The following ELP4 variants were observed in gnomAD, a reference collection of about 807,000 sequenced individuals.
The protein encoded by ELP4 is elongator acetyltransferase complex subunit 4.
ELP4 carries 51 observed loss-of-function variants against 48.9 expected under a neutral mutation model. The observed-to-expected ratio is 1.04, with a 90% CI of 0.83 to 1.32. The LOEUF (loss-of-function observed/expected upper bound fraction) is 1.32, where lower values mean the gene tolerates loss of function less well. Ranked by LOEUF, ELP4 falls within the 40% of genes most tolerant of loss-of-function variation. The probability of loss-of-function intolerance (pLI) is 0.00; values close to 1 mark genes in which losing one functional copy is unlikely to be tolerated. For missense variants in ELP4, 519 were observed against 514.6 expected (o/e 1.01, Z -0.08); for synonymous variants, 210 against 189.2 (o/e 1.11, Z -0.90).
intron 2 of ELP4, among the ~76,000 whole-genome samples, chr11:31,529,215 T>C (rs1956351599): frequency 1.3e-5 from 2 of 152,084 alleles, no homozygotes; most frequent in African/African-American, 4.8e-5. Context: ...ATATTAGCTA[T>C]TTGCTGTTTT....
chr11:31,611,220 G>A (rs547789062), intron 5 of ELP4, among the ~76,000 whole-genome samples: 1 of 152,300 alleles, frequency 6.6e-6, no homozygotes, highest in East Asian at 1.9e-4. Flanking sequence ...TATCTGTGCT[G>A]TGTAATGTAG....
intron 9 of ELP4, among the ~76,000 whole-genome samples, chr11:31,683,318 T>A (rs1335624573): frequency 1.3e-5 from 2 of 152,196 alleles, no homozygotes; most frequent in Non-Finnish European, 2.9e-5. Flanking sequence ...TGGAGTTTTT[T>A]AATTTTCATA....
chr11:31,545,141 G>A (rs1200652189), intron 3 of ELP4, among the ~76,000 whole-genome samples: 1 of 152,230 alleles, frequency 6.6e-6, no homozygotes, highest in Admixed American at 6.5e-5. Flanking sequence ...GACAGAGAAT[G>A]ACTTTGACGA....
intron 9 of ELP4, among the ~76,000 whole-genome samples, chr11:31,723,689 A>T (rs1270276924): frequency 6.6e-6 from 1 of 152,196 alleles, no homozygotes; most frequent in Non-Finnish European, 1.5e-5. Flanking sequence ...GATACCCAAG[A>T]TCACTGTGTG....
In ELP4 at chr11:31,706,001, C is replaced by T. The variant is rs544269325; in HGVS notation, c.1143+55780C>T. ...CTGAGTAACTAGGACTGCAGATGCA[C>T]ACCACCACTCCTGGCTGATTTTTTA... On this transcript the variant is annotated intron_variant, in intron 9 of 9. Coordinates refer to ENST00000640961, the MANE Select transcript of ELP4 (RefSeq NM_019040.5). Among the ~76,000 whole-genome samples the T allele has an allele frequency of 9.2e-5, 14 of 152,202 alleles. No individual in the cohort carries two copies. The South Asian group carries it at 2.9e-3, about 32-fold the overall frequency.
chr11:31,635,053 GA>G (rs1944944554), intron 7 of ELP4, among the ~76,000 whole-genome samples: 1 of 151,898 alleles, frequency 6.6e-6, no homozygotes, highest in Non-Finnish European at 1.5e-5. Flanking sequence ...CATAATGTCT[GA>G]CCATATATTT....
chr11:31,769,789 T>A (rs11031474), intron 9 of ELP4, among the ~76,000 whole-genome samples: 2,887 of 151,456 alleles, frequency 0.019, 93 homozygotes, highest in African/African-American at 0.063. Context: ...AATATACTTT[T>A]AAAAAAAAAC....
At chr11:31,661,034 T>C (rs1000252779) in intron 9 of ELP4, among the ~76,000 whole-genome samples, 3 of 152,010 alleles carry the variant, frequency 2.0e-5, no homozygotes, top group Non-Finnish European at 4.4e-5. Context: ...ATACAAGTCA[T>C]TTTTTAATCT....
At chr11:31,589,517 A>G (rs1324902174) in intron 3 of ELP4, among the ~76,000 whole-genome samples, 1 of 152,210 alleles carries the variant, frequency 6.6e-6, no homozygotes, top group African/African-American at 2.4e-5. Flanking sequence ...TATGCATTTG[A>G]AGAATAAAGC....
At chr11:31,515,068 A>G (rs1030094913) in intron 1 of ELP4, among the ~76,000 whole-genome samples, 4 of 145,044 alleles carry the variant, frequency 2.8e-5, no homozygotes, top group African/African-American at 1.0e-4. Flanking sequence ...TATAGGTCCA[A>G]ATTATTCCTC....
intron 9 of ELP4, among the ~76,000 whole-genome samples, chr11:31,666,856 A>T (rs2134099595): frequency 6.6e-6 from 1 of 152,290 alleles, no homozygotes; most frequent in Admixed American, 6.5e-5. Context: ...GGAATTAGGA[A>T]ATATCAACAT....
At chr11:31,556,004 G>A (rs1352617885) in intron 3 of ELP4, among the ~76,000 whole-genome samples, 2 of 151,818 alleles carry the variant, frequency 1.3e-5, no homozygotes, top group Non-Finnish European at 3.0e-5. Flanking sequence ...AAATATTTCT[G>A]TACAAGAATA....
intron 9 of ELP4, among the ~76,000 whole-genome samples, chr11:31,658,487 CTAAAATACTA>C (rs1303462915): frequency 6.6e-6 from 1 of 151,412 alleles, no homozygotes; most frequent in Non-Finnish European, 1.5e-5. Context: ...AAGCTATTCT[CTAAAATACTA>C]TTTACTGTTA....
chr11:31,771,430 A>G (rs972419778), intron 9 of ELP4, among the ~76,000 whole-genome samples: 1 of 152,136 alleles, frequency 6.6e-6, no homozygotes, highest in African/African-American at 2.4e-5. Flanking sequence ...AGCTCACATC[A>G]CTTCCTTGCT....
chr11:31,737,311 C>T (rs1947341954), intron 9 of ELP4, among the ~76,000 whole-genome samples: 1 of 151,870 alleles, frequency 6.6e-6, no homozygotes, highest in African/African-American at 2.4e-5. Flanking sequence ...CACACTGGGG[C>T]CTGTTGTGGG....
chr11:31,546,119 A>G (rs934369448), intron 3 of ELP4, among the ~76,000 whole-genome samples: 14 of 152,144 alleles, frequency 9.2e-5, no homozygotes, highest in Non-Finnish European at 1.3e-4. Context: ...GACAGGTTCA[A>G]ATTCACACAT....
chr11:31,558,249 A>C (rs1469413480), intron 3 of ELP4, among the ~76,000 whole-genome samples: 1 of 152,102 alleles, frequency 6.6e-6, no homozygotes, highest in African/African-American at 2.4e-5. Context: ...ACTAAAAAAA[A>C]ACATGCAAAG....
At chr11:31,570,527 T>G (rs1023890593) in intron 3 of ELP4, among the ~76,000 whole-genome samples, 2 of 150,742 alleles carry the variant, frequency 1.3e-5, no homozygotes, top group Non-Finnish European at 3.0e-5. Flanking sequence ...GAGTGCAGTG[T>G]TGCGATCTTG....
At chr11:31,624,341 A>G (rs762863979) in intron 5 of ELP4, among the ~76,000 whole-genome samples, 1 of 151,758 alleles carries the variant, frequency 6.6e-6, no homozygotes, top group Non-Finnish European at 1.5e-5. Context: ...GGCCTAGCCT[A>G]TAAACTTGTG....
Sources: gnomAD v4.1 joint callset for allele counts (sites outside exome capture counted in the v4.1 genomes callset) on GRCh38, gnomAD v4.1.1 for gene constraint, MANE v1.5 for transcripts, NCBI Gene and HGNC (gene_info 2026-07-23, HGNC 2026-07-21) for gene names.